Variants in UBR1 observed in about 807,000 individuals in gnomAD.
The protein encoded by UBR1 is E3 ubiquitin-protein ligase UBR1.
A neutral mutation model predicts 242.1 loss-of-function variants in UBR1; 102 were observed. The ratio of observed to expected loss-of-function variants is 0.42; its 90% CI spans 0.36 to 0.50. UBR1 has a LOEUF of 0.50. UBR1 is among the 20% of genes least tolerant of loss of function. The pLI, the probability that UBR1 is intolerant of heterozygous loss-of-function variation, is 0.01. For synonymous variants in UBR1, 675 were observed against 684.8 expected, an observed-to-expected ratio of 0.99 and a Z score of 0.22; for missense variants, 1,772 against 2,101.8, an observed-to-expected ratio of 0.84 and a Z score of 3.07.
At position 42,998,084 on chromosome 15, in the gene UBR1, A is replaced by G. The variant is rs570923557; in HGVS notation, c.3757+84T>C. 3 of 1,239,246 alleles carry G rather than the reference A, an allele frequency of 2.4e-6. No individual in the cohort carries two copies. In the Admixed American group the frequency reaches 6.4e-5, roughly 26 times the overall value. The allele number at this position is 1,239,246 out of a possible 1,614,324, so 76.8% of individuals were successfully genotyped here. A position where few individuals can be genotyped will look rare whatever the true frequency, so the allele number is the denominator to read the frequency against. ...TTCAAGAAATCTGTACTTGCAAACC[A>G]TATTTTAGCCCAATAATTATTTAAA... On this transcript the variant is annotated intron_variant, in intron 33 of 46. Transcript: ENST00000290650.
At chr15:43,103,975 CAG>C (rs1057483259) in intron 1 of UBR1, among the ~76,000 whole-genome samples, 3 of 152,130 alleles carry the variant, frequency 2.0e-5, no homozygotes, top group African/African-American at 7.2e-5. Context: ...CTTCAGTAGA[CAG>C]AGAGATCCAA....
chr15:42,988,698 A>T, intron 35 of UBR1, 121 bp downstream of exon 35: 1 of 1,335,528 alleles, frequency 7.5e-7, no homozygotes, highest in Non-Finnish European at 1.1e-6. Flanking sequence ...ACACTGAAAT[A>T]CTAATAGTCC....
Position 42,958,053 on chromosome 15 carries a change from C to T in UBR1, c.4795G>A (p.Asp1599Asn). Reference sequence around the variant, plus strand: ...TGATTCAGGAGGCAGCTATAGTCATCAGGAAGCTCTATCAAACTATTTCTT... The same window carrying T: ...TGATTCAGGAGGCAGCTATAGTCATTAGGAAGCTCTATCAAACTATTTCTT... Reference protein sequence around the residue: ...RKRNSLIELPDDYSCLLNQAS... With the variant: ...RKRNSLIELPNDYSCLLNQAS... The change falls in exon 44 of 47, where the codon GAT becomes AAT. Residue 1599 changes from aspartate (D) to asparagine (N), a missense_variant. By Grantham distance (23) the Asp-to-Asn change is conservative (BLOSUM62 1). Around this residue, in one of 3 missense-constraint regions of UBR1, gnomAD observed 965 missense variants for 1,079.7 expected, o/e 0.89. Coordinates refer to ENST00000290650, the MANE Select transcript of UBR1 (RefSeq NM_174916.3). 3.7e-6 allele frequency: 6 copies of T among 1,613,682 alleles called. No homozygotes were observed. The highest frequency in any genetic ancestry group is 5.1e-6 in the Non-Finnish European group (6 of 1,179,848).
chr15:43,049,086 G>A (rs2033520858), intron 12 of UBR1, among the ~76,000 whole-genome samples: 1 of 152,166 alleles, frequency 6.6e-6, no homozygotes, highest in South Asian at 2.1e-4. Context: ...ATCATGAAAT[G>A]AGTTATCAGG....
rs148281295 is a variant in UBR1, at chr15:43,099,333, A to C, written c.81+6609T>G. On this transcript the variant is annotated intron_variant, in intron 1 of 46. Transcript: ENST00000290650. The stretch of plus-strand genomic sequence containing the variant: ...GCCTGGGTGACGTCTCCAAAAAAAC[A>C]AAAAAAAAAAGTTCCCCTACAGATA... Among the ~76,000 whole-genome samples, 11 of 2,978 alleles carry C rather than the reference A, an allele frequency of 3.7e-3. No individual in the cohort carries two copies. The East Asian group carries it at 0.062, about 17-fold the overall frequency. 2.0% of individuals were successfully genotyped at this position (2,978 alleles called of 152,430 possible).
intron 21 of UBR1, among the ~76,000 whole-genome samples, chr15:43,029,725 T>C (rs554866066): frequency 6.6e-5 from 10 of 152,316 alleles, no homozygotes; most frequent in African/African-American, 2.4e-4. Flanking sequence ...TTCCCTTTTT[T>C]CCTCTGGAGT....
chr15:42,974,900 T>C lies in UBR1; in HGVS notation c.4369+1817A>G, dbSNP rs543516155. Among the ~76,000 whole-genome samples the C allele has an allele frequency of 3.5e-4, 54 of 152,224 alleles. 1 individual carries two copies. In the South Asian group the frequency reaches 7.7e-3, roughly 22 times the overall value. On this transcript the variant is annotated intron_variant, in intron 39 of 46. Transcript: ENST00000290650. ...TCACATAAACTTTAGAATCAGTTTG[T>C]TGATATCCACAATAATAACCTGCAT...
rs761565626 is a variant in UBR1, at chr15:43,105,912, G to A, written c.81+30C>T. The stretch of plus-strand genomic sequence containing the variant: ...CGCAGTAGGGAGGGACCGGGGGGAG[G>A]ACAAAAGAGACTTGCCTATAGGGAC... On this transcript the variant is annotated intron_variant, in intron 1 of 46. Coordinates refer to ENST00000290650, the MANE Select transcript of UBR1 (RefSeq NM_174916.3). The A allele has an allele frequency of 6.2e-6, 10 of 1,607,888 alleles. No individual in the cohort carries two copies. In the Admixed American group the frequency reaches 1.3e-4, roughly 21 times the overall value.
chr15:43,056,721 A>C (rs1241227319), intron 10 of UBR1, among the ~76,000 whole-genome samples: 2 of 152,218 alleles, frequency 1.3e-5, no homozygotes, highest in Non-Finnish European at 2.9e-5. Context: ...CAAACAAACA[A>C]AAAACAGAGG....
chr15:43,103,726 G>A (rs1468997241), intron 1 of UBR1, among the ~76,000 whole-genome samples: 1 of 152,172 alleles, frequency 6.6e-6, no homozygotes, highest in African/African-American at 2.4e-5. Context: ...ACTATAACCA[G>A]GGATTAGACT....
At chr15:43,060,198 C>G (rs2033666144) in intron 6 of UBR1, 84 bp from the exon 7 acceptor site, 4 of 1,272,120 alleles carry the variant, frequency 3.1e-6, no homozygotes, top group Non-Finnish European at 4.6e-6. Context: ...ACTTAATGAG[C>G]TCTTAACTGA....
chr15:43,017,311 G>C, intron 27 of UBR1, 130 bp from the exon 28 acceptor site: 6 of 687,296 alleles, frequency 8.7e-6, no homozygotes, highest in African/African-American at 1.8e-5. Context: ...TTCAATATAT[G>C]AAGAAAAAAA....
In UBR1 at chr15:42,990,037, C is replaced by G; in HGVS notation, c.3841G>C (p.Glu1281Gln). Residue 1281 changes from glutamate to glutamine, a missense_variant, in exon 34 of 47, where the codon GAG (glutamate) becomes CAG (glutamine). By Grantham distance (29) the Glu-to-Gln change is conservative. Coordinates refer to ENST00000290650, the MANE Select transcript of UBR1 (RefSeq NM_174916.3). ...EFHSILSFGV[E>Q]SSIKYSNSIK... ...AACTATTTAGATACTTACGAAGACTCAACGCCAAAACTCAGGATGGAATGG... is the reference window on the plus strand; with the variant it reads ...AACTATTTAGATACTTACGAAGACTGAACGCCAAAACTCAGGATGGAATGG... 1 of 1,607,964 alleles carries G rather than the reference C, an allele frequency of 6.2e-7. No individual in the cohort carries two copies. The highest frequency in any genetic ancestry group is 8.5e-7 in the Non-Finnish European group (1 of 1,176,334).
At chr15:43,093,361 G>A (rs1183054941) in intron 1 of UBR1, among the ~76,000 whole-genome samples, 1 of 152,136 alleles carries the variant, frequency 6.6e-6, no homozygotes, top group Non-Finnish European at 1.5e-5. Flanking sequence ...TTTTAAAGTG[G>A]TAACAAAACC....
chr15:43,085,147 G>A (rs913901645), intron 2 of UBR1, among the ~76,000 whole-genome samples: 11 of 152,180 alleles, frequency 7.2e-5, no homozygotes, highest in African/African-American at 2.7e-4. Context: ...AAACTGAAAG[G>A]TTTTGGGATT....
intron 29 of UBR1, 82 bp from the exon 30 acceptor site, chr15:43,007,366 G>A (rs931667719): frequency 1.8e-5 from 21 of 1,170,688 alleles, no homozygotes; most frequent in Non-Finnish European, 2.5e-5. Context: ...AGTAACTATA[G>A]GCAAGAAATA....
chr15:42,945,573 G>A (rs1381830575), intron 46 of UBR1, 103 bp from the exon 47 acceptor site: 1 of 1,439,018 alleles, frequency 6.9e-7, no homozygotes, highest in Non-Finnish European at 9.5e-7. Flanking sequence ...CCTGGAGCCG[G>A]GAGGACTCAC....
intron 31 of UBR1, 131 bp downstream of exon 31, chr15:43,003,706 A>T (rs1567121569): frequency 1.1e-6 from 1 of 875,066 alleles, no homozygotes; most frequent in Non-Finnish European, 1.9e-6. Context: ...CAGAATTAGT[A>T]ATTAAAACTG....
intron 40 of UBR1, among the ~76,000 whole-genome samples, chr15:42,969,089 C>A (rs1276390222): frequency 6.6e-6 from 1 of 152,152 alleles, no homozygotes; most frequent in East Asian, 1.9e-4. Context: ...TGAGGAATCG[C>A]CACACTGTCT....
Sources: allele counts gnomAD v4.1 joint callset (sites outside exome capture counted in the v4.1 genomes callset), GRCh38; gene constraint gnomAD v4.1.1; regional missense constraint gnomAD v4.1.1; transcripts MANE v1.5; gene names NCBI Gene and HGNC (gene_info 2026-07-23, HGNC 2026-07-21).